Variants in MAP2 observed in about 807,000 individuals in gnomAD.
MAP2 encodes microtubule-associated protein 2.
MAP2 carries 14 observed loss-of-function variants against 137.6 expected under a neutral mutation model. That is an observed-to-expected ratio of 0.10 (90% CI 0.07 to 0.16). MAP2 has a LOEUF of 0.16. Among genes scored for constraint, MAP2 ranks in the 10% least tolerant of loss-of-function variants. The probability of loss-of-function intolerance (pLI) is 1.00; values close to 1 mark genes in which losing one functional copy is unlikely to be tolerated. For synonymous variants in MAP2, 786 were observed against 782.3 expected (o/e 1.00, Z -0.08); for missense variants, 2,088 against 2,191.5 (o/e 0.95, Z 0.94).
At chr2:209,581,686 C>A (rs183876977) in intron 3 of MAP2, among the ~76,000 whole-genome samples, 160 of 152,248 alleles carry the variant, frequency 1.1e-3, no homozygotes, top group Non-Finnish European at 1.8e-3. Context: ...ACTCATTCAG[C>A]AACTCATTAT....
intron 2 of MAP2, among the ~76,000 whole-genome samples, chr2:209,516,991 C>A (rs2062601896): frequency 6.6e-6 from 1 of 151,990 alleles, no homozygotes; most frequent in Non-Finnish European, 1.5e-5. Flanking sequence ...AAGTGTTGTA[C>A]AACACAAAAA....
intron 3 of MAP2, among the ~76,000 whole-genome samples, chr2:209,581,478 C>T (rs1401921878): frequency 6.6e-6 from 1 of 152,094 alleles, no homozygotes; most frequent in Non-Finnish European, 1.5e-5. Flanking sequence ...TCAGTGGAAT[C>T]GTGTATGAAA....
At chr2:209,447,830 G>A (rs1253993767) in intron 1 of MAP2, among the ~76,000 whole-genome samples, 1 of 152,038 alleles carries the variant, frequency 6.6e-6, no homozygotes, top group African/African-American at 2.4e-5. Context: ...CTAGCTAAAA[G>A]AGACACAACA....
chr2:209,543,014 T>C (rs2067326814), intron 2 of MAP2, among the ~76,000 whole-genome samples: 1 of 152,244 alleles, frequency 6.6e-6, no homozygotes, highest in Non-Finnish European at 1.5e-5. Context: ...TTGGCCTATT[T>C]CAGTTTTTAA....
At chr2:209,673,521 A>G (rs1276232172) in intron 5 of MAP2, among the ~76,000 whole-genome samples, 1 of 151,838 alleles carries the variant, frequency 6.6e-6, no homozygotes, top group Non-Finnish European at 1.5e-5. Flanking sequence ...TATTGTATAC[A>G]CTTATTAACT....
chr2:209,640,391 G>T (rs1037806710), intron 4 of MAP2, among the ~76,000 whole-genome samples: 1 of 151,938 alleles, frequency 6.6e-6, no homozygotes, highest in Non-Finnish European at 1.5e-5. Flanking sequence ...ATTAAAATTT[G>T]TAATCTTAGA....
intron 14 of MAP2, among the ~76,000 whole-genome samples, chr2:209,727,382 C>A (rs2074446435): frequency 6.6e-6 from 1 of 152,184 alleles, no homozygotes; most frequent in African/African-American, 2.4e-5. Flanking sequence ...CTGGACTCTT[C>A]AATTCTAGAC....
intron 2 of MAP2, among the ~76,000 whole-genome samples, chr2:209,510,030 CAAA>C (rs11297017): frequency 1.4e-5 from 2 of 143,378 alleles, no homozygotes; most frequent in African/African-American, 2.6e-5. Context: ...AAAGTTATTA[CAAA>C]AAAAAAAAAA....
intron 1 of MAP2, among the ~76,000 whole-genome samples, chr2:209,433,788 G>A (rs551799674): frequency 7.3e-4 from 111 of 151,720 alleles, no homozygotes; most frequent in Non-Finnish European, 1.2e-3. Context: ...GGCTGTTGGT[G>A]AGTTACATGC....
At chr2:209,503,591 G>A (rs756700453) in intron 1 of MAP2, among the ~76,000 whole-genome samples, 1 of 152,124 alleles carries the variant, frequency 6.6e-6, no homozygotes, top group East Asian at 1.9e-4. Flanking sequence ...TGTGCATGAT[G>A]TAAGATAAAA....
intron 3 of MAP2, among the ~76,000 whole-genome samples, chr2:209,583,817 T>A (rs1430001798): frequency 6.6e-6 from 1 of 150,754 alleles, no homozygotes; most frequent in African/African-American, 2.4e-5. Flanking sequence ...TACATGAAGG[T>A]TTGTTACCTG....
rs188666279 is a variant in MAP2 at position 209,714,410 on chromosome 2, T to C, written c.5073+4156T>C. On this transcript the variant is annotated intron_variant, in intron 13 of 15. Coordinates refer to ENST00000682079, the MANE Select transcript of MAP2 (RefSeq NM_001375505.1). ...TATGTGCTTTTGCTCCATTAATGAC[T>C]ACAGTCAGTCATTTTCAGGTTAGCT... is the stretch of plus-strand genomic sequence containing the variant. Among the ~76,000 whole-genome samples, 88 of 152,298 alleles carry C rather than the reference T, an allele frequency of 5.8e-4. 1 individual carries two copies. Among genetic ancestry groups the C allele is most frequent in the African/African-American group, 2.0e-3 (85 of 41,568 alleles).
At chr2:209,457,768 T>G (rs1429175762) in intron 1 of MAP2, among the ~76,000 whole-genome samples, 1 of 152,130 alleles carries the variant, frequency 6.6e-6, no homozygotes, top group Non-Finnish European at 1.5e-5. Flanking sequence ...GACATGGAGA[T>G]GGGGGATTAT....
chr2:209,675,082 G>A (rs12328955), intron 5 of MAP2, among the ~76,000 whole-genome samples: 10,390 of 151,778 alleles, frequency 0.068, 661 homozygotes, highest in African/African-American at 0.17. Flanking sequence ...AATGTGACAT[G>A]CCCTATTTGA....
intron 1 of MAP2, among the ~76,000 whole-genome samples, chr2:209,443,939 T>C (rs542962890): frequency 6.6e-6 from 1 of 151,744 alleles, no homozygotes; most frequent in South Asian, 2.1e-4. Flanking sequence ...TTTGGATTCT[T>C]TACATTCAGC....
At chr2:209,516,830 G>C (rs7604320) in intron 2 of MAP2, among the ~76,000 whole-genome samples, 34,197 of 151,974 alleles carry the variant, frequency 0.23, 5,194 homozygotes, top group African/African-American at 0.43. Context: ...ATGTAAATTA[G>C]TATTGTAGTA....
At chr2:209,441,833 G>C (rs1022062162) in intron 1 of MAP2, among the ~76,000 whole-genome samples, 1 of 151,576 alleles carries the variant, frequency 6.6e-6, no homozygotes, top group African/African-American at 2.4e-5. Context: ...ACTGTGCATG[G>C]AACTTAGGAA....
At chr2:209,453,682 AT>A (rs879499511) in intron 1 of MAP2, among the ~76,000 whole-genome samples, 8 of 152,210 alleles carry the variant, frequency 5.3e-5, no homozygotes, top group South Asian at 2.1e-4. Flanking sequence ...CTTGTTTAAA[AT>A]TTTTTTTATC....
Position 209,520,483 on chromosome 2 carries a change from C to T in MAP2, c.-172+12842C>T, listed in dbSNP as rs530887989. ...ATAATGACTAATAATGAAGCAGCAG[C>T]CTTTACCTACACAAATTTTAGTTCT... On this transcript the variant is annotated intron_variant, in intron 2 of 15. Coordinates refer to ENST00000682079, the MANE Select transcript of MAP2 (RefSeq NM_001375505.1). Among the ~76,000 whole-genome samples, 3 of 152,080 alleles carry T rather than the reference C, an allele frequency of 2.0e-5. No homozygotes were observed. The South Asian group carries it at 6.2e-4, about 32-fold the overall frequency.
Sources: gnomAD v4.1 joint callset for allele counts (sites outside exome capture counted in the v4.1 genomes callset) on GRCh38, gnomAD v4.1.1 for gene constraint, MANE v1.5 for transcripts, NCBI Gene and HGNC (gene_info 2026-07-23, HGNC 2026-07-21) for gene names.